Variants in VPS35L observed in about 807,000 individuals in gnomAD.
VPS35L encodes VPS35 endosomal protein sorting factor like.
VPS35L carries 83 observed loss-of-function variants against 133.0 expected under a neutral mutation model. The ratio of observed to expected loss-of-function variants is 0.62; its 90% confidence interval spans 0.52 to 0.75. The LOEUF (loss-of-function observed/expected upper bound fraction) is 0.75. Ranked by LOEUF, VPS35L falls within the 30% of genes least tolerant of loss-of-function variation. The pLI, the probability that VPS35L is intolerant of heterozygous loss-of-function variation, is 0.00. For missense variants in VPS35L, 1,083 were observed against 1,206.8 expected, an observed-to-expected ratio of 0.90 and a Z score of 1.52; for synonymous variants, 423 against 449.9, an observed-to-expected ratio of 0.94 and a Z score of 0.76.
intron 27 of VPS35L, among the ~76,000 whole-genome samples, chr16:19,672,106 C>A (rs115044634): frequency 6.6e-6 from 1 of 152,094 alleles, no homozygotes; most frequent in Admixed American, 6.5e-5. Flanking sequence ...CCAGCCACCA[C>A]GCCTGGCTAA....
Position 19,652,084 on chromosome 16 carries a change from TC to T in VPS35L, c.2218del (p.Gln740LysfsTer10). On this transcript the variant is annotated frameshift_variant, in exon 26 of 31. Coordinates refer to ENST00000417362, the MANE Select transcript of VPS35L (RefSeq NM_020314.7). LOFTEE classifies it high-confidence loss of function. ...GQVALANQCL[S>X]QADAFFKAAI... ...GGTGGCCTTGGCCAACCAGTGCCTC[TC>T]CCAAGGTAAGTCCATCATTCTCTCA... 6.3e-7 allele frequency: 1 copy of T among 1,584,322 alleles called. No individual in the cohort carries two copies. Among genetic ancestry groups the T allele is most frequent in the Non-Finnish European group, 8.6e-7 (1 of 1,157,452 alleles).
intron 25 of VPS35L, among the ~76,000 whole-genome samples, chr16:19,651,370 T>G (rs1166339476): frequency 6.6e-6 from 1 of 151,646 alleles, no homozygotes; most frequent in Non-Finnish European, 1.5e-5. Context: ...ATCCGGGTAA[T>G]TTTTTTGTTT....
chr16:19,601,102 A>C (rs1972368340), intron 8 of VPS35L, among the ~76,000 whole-genome samples: 1 of 151,542 alleles, frequency 6.6e-6, no homozygotes, highest in Non-Finnish European at 1.5e-5. Context: ...CTAATTTTTA[A>C]ATTTTTTGTA....
intron 25 of VPS35L, among the ~76,000 whole-genome samples, chr16:19,651,097 G>T (rs1009605310): frequency 6.6e-6 from 1 of 152,100 alleles, no homozygotes; most frequent in Admixed American, 6.5e-5. Context: ...GGCCAGGCTG[G>T]TTTCGAACTC....
chr16:19,555,758 G>C lies in VPS35L; in HGVS notation c.17+12G>C. On this transcript the variant is annotated intron_variant, in intron 1 of 30. Coordinates refer to ENST00000417362, the MANE Select transcript of VPS35L (RefSeq NM_020314.7). Reference sequence around the variant, plus strand: ...GCCGTCTTTCCTTGGTAAGGAAGCAGCGGCGGGTGGGCTTTGGAGAGGGGC... The same window carrying C: ...GCCGTCTTTCCTTGGTAAGGAAGCACCGGCGGGTGGGCTTTGGAGAGGGGC... 1 of 1,570,468 alleles carries C rather than the reference G, an allele frequency of 6.4e-7. No homozygotes were observed. The highest frequency in any genetic ancestry group is 8.6e-7 in the Non-Finnish European group (1 of 1,159,004).
At chr16:19,689,851 C>T (rs1415239471) in intron 28 of VPS35L, among the ~76,000 whole-genome samples, 1 of 152,094 alleles carries the variant, frequency 6.6e-6, no homozygotes, top group African/African-American at 2.4e-5. Flanking sequence ...GGTCTTGGAA[C>T]GTATCCCCCA....
chr16:19,692,516 C>T (rs1218187007), intron 29 of VPS35L, among the ~76,000 whole-genome samples: 2 of 152,198 alleles, frequency 1.3e-5, no homozygotes, highest in East Asian at 3.8e-4. Context: ...GAACTCTGCA[C>T]TGCTACATTG....
intron 27 of VPS35L, among the ~76,000 whole-genome samples, chr16:19,679,368 C>A (rs759805055): frequency 2.0e-5 from 3 of 148,206 alleles, no homozygotes; most frequent in African/African-American, 2.5e-5. Context: ...GCCATCATAG[C>A]TTTCTGTAGC....
At chr16:19,570,274 G>T (rs1971321241) in intron 3 of VPS35L, among the ~76,000 whole-genome samples, 1 of 151,998 alleles carries the variant, frequency 6.6e-6, no homozygotes, top group Admixed American at 6.6e-5. Flanking sequence ...TGTTGACCAG[G>T]CTGGTCTTGA....
chr16:19,654,115 A>G (rs767996792), intron 26 of VPS35L, among the ~76,000 whole-genome samples: 11 of 152,002 alleles, frequency 7.2e-5, no homozygotes, highest in Non-Finnish European at 1.5e-4. Context: ...TTCTACAATG[A>G]TCTTTCCCCA....
At chr16:19,690,350 G>A (rs1975624875) in intron 28 of VPS35L, among the ~76,000 whole-genome samples, 1 of 152,220 alleles carries the variant, frequency 6.6e-6, no homozygotes, top group Admixed American at 6.5e-5. Context: ...GAGGAAGGGA[G>A]GAGGAACTCA....
intron 29 of VPS35L, among the ~76,000 whole-genome samples, chr16:19,698,672 T>A (rs536850906): frequency 3.9e-4 from 60 of 152,234 alleles, no homozygotes; most frequent in African/African-American, 1.3e-3. Context: ...TTACACGCAT[T>A]CACTGTCAGG....
At chr16:19,582,279 T>A (rs1971735510) in intron 7 of VPS35L, among the ~76,000 whole-genome samples, 1 of 152,190 alleles carries the variant, frequency 6.6e-6, no homozygotes, top group South Asian at 2.1e-4. Flanking sequence ...AGAAGCATAT[T>A]TGGAAAGGAA....
intron 1 of VPS35L, among the ~76,000 whole-genome samples, chr16:19,559,908 G>C (rs1294545091): frequency 6.6e-6 from 1 of 151,978 alleles, no homozygotes; most frequent in Non-Finnish European, 1.5e-5. Context: ...GGCTGGTCTC[G>C]AACTCCTGAC....
At chr16:19,597,867 G>T (rs565265344) in intron 8 of VPS35L, among the ~76,000 whole-genome samples, 1 of 152,160 alleles carries the variant, frequency 6.6e-6, no homozygotes, top group South Asian at 2.1e-4. Context: ...TTCTGCACAT[G>T]GTCATTACTC....
In VPS35L at chr16:19,679,583, C is replaced by T. The variant is rs188698308; in HGVS notation, c.2362-2642C>T. On this transcript the variant is annotated intron_variant, in intron 27 of 30. Coordinates refer to ENST00000417362, the MANE Select transcript of VPS35L (RefSeq NM_020314.7). ...TGCAGTAGTGTGATCTCTGCTCGCT[C>T]ATCCTCCACCTCCTGGGTTCAAGCA... Among the ~76,000 whole-genome samples, 402 of 151,912 alleles carry T rather than the reference C, an allele frequency of 2.6e-3. 3 individuals carry two copies. The highest frequency in any genetic ancestry group is 9.2e-3 in the African/African-American group (382 of 41,416).
intron 20 of VPS35L, 72 bp downstream of exon 20, chr16:19,637,728 T>C: frequency 9.3e-7 from 1 of 1,071,204 alleles, no homozygotes. Flanking sequence ...TCAGTAATGT[T>C]TTCATGATGC....
At chr16:19,647,705 A>G in intron 23 of VPS35L, 79 bp from the exon 24 acceptor site, 1 of 1,092,304 alleles carries the variant, frequency 9.2e-7, no homozygotes, top group Non-Finnish European at 1.4e-6. Flanking sequence ...GGCAATAATA[A>G]TATTTCAGTC....
chr16:19,564,444 G>T (rs1378477906), intron 1 of VPS35L, among the ~76,000 whole-genome samples: 2 of 152,036 alleles, frequency 1.3e-5, no homozygotes, highest in South Asian at 4.2e-4. Context: ...TGTGGCCCAG[G>T]CTGGAGTGGA....
Sources: gnomAD v4.1 joint callset for allele counts (sites outside exome capture counted in the v4.1 genomes callset) on GRCh38, gnomAD v4.1.1 for gene constraint, MANE v1.5 for transcripts, NCBI Gene and HGNC (gene_info 2026-07-23, HGNC 2026-07-21) for gene names.